The following PTPRN2 variants were observed in gnomAD, a reference collection of about 807,000 sequenced individuals.
The protein encoded by PTPRN2 is receptor-type tyrosine-protein phosphatase N2.
A neutral mutation model predicts 118.8 loss-of-function variants in PTPRN2; 74 were observed. The ratio of observed to expected loss-of-function variants is 0.62; its 90% confidence interval spans 0.52 to 0.76. The LOEUF (loss-of-function observed/expected upper bound fraction) is 0.76. Ranked by LOEUF, PTPRN2 falls within the 30% of genes least tolerant of loss-of-function variation. The pLI is 0.00. For missense variants in PTPRN2, 1,481 were observed against 1,394.4 expected, an observed-to-expected ratio of 1.06 and a Z score of -0.99; for synonymous variants, 641 against 608.0, an observed-to-expected ratio of 1.05 and a Z score of -0.80.
chr7:157,999,232 C>T lies in PTPRN2; in HGVS notation c.1723+82066G>A, dbSNP rs77026678. ...TTTAGTTGCCTGAACACAAACCCTC[C>T]TTCTCCCTCGCTCAAGCCATCAGGG... On this transcript the variant is annotated intron_variant, in intron 11 of 22. Transcript: ENST00000389418. 8.6e-3 allele frequency among the ~76,000 whole-genome samples: 1,306 copies of T among 152,260 alleles called. 10 individuals carry two copies. The highest frequency in any genetic ancestry group is 0.015 in the Non-Finnish European group (1,018 of 68,002).
At chr7:158,052,482 C>A (rs1227193675) in intron 11 of PTPRN2, among the ~76,000 whole-genome samples, 1 of 152,224 alleles carries the variant, frequency 6.6e-6, no homozygotes, top group Non-Finnish European at 1.5e-5. Context: ...GCACCAAAGG[C>A]ACCCAGCCTC....
chr7:157,559,349 C>T (rs1047520298), intron 21 of PTPRN2, among the ~76,000 whole-genome samples: 1 of 152,192 alleles, frequency 6.6e-6, no homozygotes, highest in Non-Finnish European at 1.5e-5. Flanking sequence ...GAGGTGCCTC[C>T]AGGACAACAG....
At chr7:158,494,282 A>T (rs764642400) in intron 1 of PTPRN2, among the ~76,000 whole-genome samples, 11 of 152,178 alleles carry the variant, frequency 7.2e-5, no homozygotes, top group Non-Finnish European at 1.6e-4. Context: ...TGGCCTAAAA[A>T]TCCATGGCCC....
At chr7:157,824,252 TG>T (rs1807031097) in intron 12 of PTPRN2, among the ~76,000 whole-genome samples, 1 of 152,060 alleles carries the variant, frequency 6.6e-6, no homozygotes, top group South Asian at 2.1e-4. Context: ...GTCACCCTCC[TG>T]AAGGTAGAAG....
intron 11 of PTPRN2, chr7:158,029,257 G>A (rs1807514111): frequency 6.6e-6 from 1 of 151,962 alleles, no homozygotes; most frequent in Admixed American, 6.6e-5. Context: ...GGGGGCACGG[G>A]GTCCGTATCC....
chr7:157,650,026 C>T (rs909823193), intron 14 of PTPRN2, among the ~76,000 whole-genome samples: 15 of 152,120 alleles, frequency 9.9e-5, no homozygotes, highest in Non-Finnish European at 1.8e-4. Context: ...ACTCGGTGGA[C>T]GCGTAAATGG....
At chr7:158,473,480 C>G (rs901497732) in intron 2 of PTPRN2, among the ~76,000 whole-genome samples, 3 of 152,214 alleles carry the variant, frequency 2.0e-5, no homozygotes, top group Non-Finnish European at 2.9e-5. Flanking sequence ...GATTGAGAAG[C>G]CTGCGTATCA....
chr7:158,284,026 C>T lies in PTPRN2; in HGVS notation c.277+32793G>A, dbSNP rs1034789609. ...CGTTAATCAATCACACGTTTAAGAACGCCTGAAAGACATGTTCATAGCTAT... is the reference window on the plus strand; with the variant it reads ...CGTTAATCAATCACACGTTTAAGAATGCCTGAAAGACATGTTCATAGCTAT... On this transcript the variant is annotated intron_variant, in intron 3 of 22. Transcript: ENST00000389418. Among the ~76,000 whole-genome samples, 8 of 152,208 alleles carry T rather than the reference C, an allele frequency of 5.3e-5. No individual in the cohort carries two copies. The South Asian group carries it at 6.2e-4, about 12-fold the overall frequency.
chr7:158,059,442 T>C (rs1416060056), intron 11 of PTPRN2, among the ~76,000 whole-genome samples: 731 of 98,418 alleles, frequency 7.4e-3, no homozygotes, highest in Non-Finnish European at 0.01. Context: ...CGGTGAGACA[T>C]CACTGCAGCC....
intron 12 of PTPRN2, among the ~76,000 whole-genome samples, chr7:157,756,978 G>C (rs527944031): frequency 6.6e-6 from 1 of 152,160 alleles, no homozygotes; most frequent in Non-Finnish European, 1.5e-5. Context: ...AGGGCCACGC[G>C]TGAGGGACGG....
rs1796955294 is a variant in PTPRN2, at chr7:157,893,926, A to C, written c.1788+4747T>G. ...GATGGCCGTCGCGCCCAGTGAGAGC[A>C]GAAAGCAATGCAGGGGACGGCTGGG... On this transcript the variant is annotated intron_variant, in intron 12 of 22. Coordinates refer to ENST00000389418, the MANE Select transcript of PTPRN2 (RefSeq NM_002847.5). The surrounding 1 kb of genome is among the most constrained non-coding windows in gnomAD (Gnocchi z 4.0). Among the ~76,000 whole-genome samples, 3 of 152,208 alleles carry C rather than the reference A, an allele frequency of 2.0e-5. No individual in the cohort carries two copies. The highest frequency in any genetic ancestry group is 4.1e-4 in the South Asian group (2 of 4,834).
chr7:158,502,121 C>T (rs899307324), intron 1 of PTPRN2, among the ~76,000 whole-genome samples: 1 of 152,184 alleles, frequency 6.6e-6, no homozygotes, highest in Non-Finnish European at 1.5e-5. Flanking sequence ...AGAAATTGAT[C>T]TCAGCAGCTT....
At chr7:158,197,753 A>G (rs2150724300) in intron 4 of PTPRN2, among the ~76,000 whole-genome samples, 1 of 152,278 alleles carries the variant, frequency 6.6e-6, no homozygotes, top group Non-Finnish European at 1.5e-5. Context: ...AGCAAAGGGG[A>G]AAGAGTCCCT....
chr7:157,963,424 G>A (rs1801682839), intron 11 of PTPRN2, among the ~76,000 whole-genome samples: 1 of 152,204 alleles, frequency 6.6e-6, no homozygotes, highest in Non-Finnish European at 1.5e-5. Flanking sequence ...ACTAAGAATT[G>A]GTTTGGTTTT....
intron 11 of PTPRN2, chr7:158,030,169 G>A (rs998225113): frequency 6.6e-6 from 1 of 152,242 alleles, no homozygotes; most frequent in Non-Finnish European, 1.5e-5. Context: ...GAGCCCGCCT[G>A]GTGACCTCAT....
chr7:157,576,515 G>A (rs1800049035), intron 19 of PTPRN2, 98 bp downstream of exon 19: 5 of 1,261,772 alleles, frequency 4.0e-6, no homozygotes, highest in Non-Finnish European at 4.2e-6. Flanking sequence ...CACAGACGCG[G>A]CCCTCGGCGC....
intron 12 of PTPRN2, among the ~76,000 whole-genome samples, chr7:157,722,982 T>C (rs950690642): frequency 2.0e-5 from 3 of 152,240 alleles, no homozygotes; most frequent in Non-Finnish European, 4.4e-5. Flanking sequence ...TTTGCGTCCC[T>C]GGCTCAACTG....
intron 11 of PTPRN2, among the ~76,000 whole-genome samples, chr7:157,975,841 C>A (rs113745497): frequency 6.6e-6 from 1 of 152,206 alleles, no homozygotes; most frequent in Non-Finnish European, 1.5e-5. Flanking sequence ...AGGGTCCCAA[C>A]CACAATGCCT....
intron 11 of PTPRN2, among the ~76,000 whole-genome samples, chr7:158,041,425 G>T (rs1219316777): frequency 2.0e-5 from 3 of 152,124 alleles, no homozygotes; most frequent in Admixed American, 2.0e-4. Flanking sequence ...ATCACTTGAG[G>T]TCATGAGTTT....
Sources: allele counts gnomAD v4.1 joint callset (sites outside exome capture counted in the v4.1 genomes callset), GRCh38; gene constraint gnomAD v4.1.1; non-coding constraint Gnocchi (gnomAD v3.1); transcripts MANE v1.5; gene names NCBI Gene and HGNC (gene_info 2026-07-23, HGNC 2026-07-21).